NOTCH2: variants seen among roughly 807,000 people sequenced by gnomAD.
NOTCH2 encodes notch receptor 2, also known as neurogenic locus notch homolog protein 2.
In NOTCH2, 29 loss-of-function variants were observed where a neutral mutation model predicts 235.8. That is an observed-to-expected ratio of 0.12 (90% CI 0.09 to 0.17). The LOEUF (loss-of-function observed/expected upper bound fraction) is 0.17. NOTCH2 is among the 10% of genes least tolerant of loss of function. NOTCH2 has a pLI of 1.00. For missense variants in NOTCH2, 2,285 were observed against 3,150.2 expected (o/e 0.73, Z 6.57); for synonymous variants, 1,086 against 1,141.5 (o/e 0.95, Z 0.98).
intron 1 of NOTCH2, among the ~76,000 whole-genome samples, chr1:120,063,156 C>A (rs1230671540): frequency 6.6e-6 from 1 of 151,652 alleles, no homozygotes; most frequent in South Asian, 2.1e-4. Context: ...ATCCTGTGCC[C>A]CTTCTTGCAG....
chr1:119,978,870 T>A (rs1202019569), intron 5 of NOTCH2, among the ~76,000 whole-genome samples: 1 of 152,178 alleles, frequency 6.6e-6, no homozygotes, highest in Non-Finnish European at 1.5e-5. Flanking sequence ...AGGCAGTTAC[T>A]CTGCTCAGAA....
intron 3 of NOTCH2, among the ~76,000 whole-genome samples, chr1:120,002,206 C>T (rs1265959495): frequency 2.4e-4 from 36 of 152,064 alleles, no homozygotes; most frequent in Middle Eastern, 3.4e-3. Context: ...GAAGACACAA[C>T]AACAATTCCA....
chr1:120,064,650 T>C (rs1231956853), intron 1 of NOTCH2, among the ~76,000 whole-genome samples: 1 of 148,936 alleles, frequency 6.7e-6, no homozygotes, highest in Non-Finnish European at 1.5e-5. Flanking sequence ...CAAAATCATG[T>C]GGCAGAGACA....
At chr1:119,936,970 G>A (rs1240593097) in intron 21 of NOTCH2, among the ~76,000 whole-genome samples, 2 of 152,062 alleles carry the variant, frequency 1.3e-5, no homozygotes, top group Admixed American at 6.6e-5. Flanking sequence ...CTGCTATTCA[G>A]GGAAGTGTGG....
At chr1:119,948,950 C>T (rs1650359986) in intron 16 of NOTCH2, 57 bp downstream of exon 16, 6 of 1,611,568 alleles carry the variant, frequency 3.7e-6, no homozygotes, top group African/African-American at 1.3e-5. Flanking sequence ...GATAACCTGA[C>T]CACTTTGTTT....
intron 5 of NOTCH2, among the ~76,000 whole-genome samples, chr1:119,972,015 A>C (rs1288884594): frequency 6.6e-6 from 1 of 152,014 alleles, no homozygotes; most frequent in African/African-American, 2.4e-5. Flanking sequence ...ATGAATAAGA[A>C]AGTGAGAACA....
intron 12 of NOTCH2, 124 bp downstream of exon 12, chr1:119,959,268 C>G: frequency 2.8e-6 from 2 of 703,806 alleles, no homozygotes; most frequent in East Asian, 5.3e-5. Context: ...AGCAGAGAAA[C>G]AGACTACTAA....
At chr1:119,966,027 AAC>A (rs1435961000) in intron 9 of NOTCH2, among the ~76,000 whole-genome samples, 7 of 152,224 alleles carry the variant, frequency 4.6e-5, no homozygotes, top group South Asian at 2.1e-4. Context: ...GTCTAAAAAT[AAC>A]AGTCTCACAG....
intron 3 of NOTCH2, among the ~76,000 whole-genome samples, chr1:120,001,584 A>G (rs1182905345): frequency 2.6e-5 from 4 of 152,012 alleles, no homozygotes; most frequent in Non-Finnish European, 5.9e-5. Context: ...ATATGGCACT[A>G]TTCCTCAGGG....
At chr1:119,969,479 C>T (rs781845059) in intron 6 of NOTCH2, 32 bp downstream of exon 6, 7 of 1,593,272 alleles carry the variant, frequency 4.4e-6, no homozygotes, top group African/African-American at 1.3e-5. Flanking sequence ...CTGCCCCTTC[C>T]CTGTTTCTAG....
At chr1:119,941,461 G>T in intron 18 of NOTCH2, 65 bp downstream of exon 18, 1 of 1,187,734 alleles carries the variant, frequency 8.4e-7, no homozygotes, top group Non-Finnish European at 1.3e-6. Flanking sequence ...ATTGTGCTCT[G>T]AAATTTCCTT....
intron 3 of NOTCH2, among the ~76,000 whole-genome samples, chr1:120,004,054 G>A (rs1431025745): frequency 6.7e-6 from 1 of 150,342 alleles, no homozygotes; most frequent in Non-Finnish European, 1.5e-5. Context: ...TTGTAAGCAG[G>A]TGAGATTGTT....
At chr1:120,067,267 T>C (rs1485107949) in intron 1 of NOTCH2, among the ~76,000 whole-genome samples, 1 of 144,718 alleles carries the variant, frequency 6.9e-6, no homozygotes, top group Non-Finnish European at 1.5e-5. Context: ...TCTACTGCAT[T>C]AGTTTAGCAT....
intron 22 of NOTCH2, among the ~76,000 whole-genome samples, chr1:119,931,102 T>C (rs7414396): frequency 0.11 from 13,867 of 126,210 alleles, 1,511 homozygotes; most frequent in African/African-American, 0.28. Context: ...GACTCTGTCT[T>C]AAAAAAAAAA....
Position 119,918,545 on chromosome 1 carries a change from A to T in NOTCH2, c.5790T>A (p.Ile1930=), listed in dbSNP as rs762424463. The T allele has an allele frequency of 1.9e-6, 3 of 1,614,206 alleles. No individual in the cohort carries two copies. The South Asian group carries it at 3.3e-5, about 18-fold the overall frequency. ...CATCTAGATCAGTTACTCGGTTGCG[A>T]ATCAGAATCTAGAAGAGGAGAAAGT... The part of the protein sequence containing the change: ...ADAQGVFQIL[I]RNRVTDLDAR... The change falls in exon 32 of 34, where the codon ATT becomes ATA. Residue 1930 remains isoleucine, a synonymous_variant. Transcript: ENST00000256646.
chr1:119,940,472 G>T, intron 19 of NOTCH2, 83 bp downstream of exon 19: 1 of 1,265,068 alleles, frequency 7.9e-7, no homozygotes, highest in Non-Finnish European at 1.1e-6. Context: ...CTTTTAGAAG[G>T]AACTTATTCA....
chr1:120,031,162 C>A (rs1293996746), intron 1 of NOTCH2, among the ~76,000 whole-genome samples: 1 of 148,020 alleles, frequency 6.8e-6, no homozygotes, highest in Non-Finnish European at 1.5e-5. Context: ...CTAGGCCTGG[C>A]CATCCCTGGC....
Position 119,911,669 on chromosome 1 carries a change from AC to A in NOTCH2, c.*3636del. On this transcript the variant is annotated 3_prime_UTR_variant, in exon 34 of 34. Coordinates refer to ENST00000256646, the MANE Select transcript of NOTCH2 (RefSeq NM_024408.4). ...GTATATTAAGTTCTACACAAATTTC[AC>A]TTAAGGAATGTTACAAACCAATCAT... 1 of 232,992 alleles carries A rather than the reference AC, an allele frequency of 4.3e-6. No homozygotes were observed. Among genetic ancestry groups the A allele is most frequent in the Admixed American group, 5.6e-5 (1 of 17,800 alleles). 14.4% of individuals were successfully genotyped at this position (232,992 alleles called of 1,614,324 possible). A position where few individuals can be genotyped will look rare whatever the true frequency, so the allele number is the denominator to read the frequency against.
At chr1:120,039,409 CTTTT>C (rs1170358326) in intron 1 of NOTCH2, among the ~76,000 whole-genome samples, 1 of 127,058 alleles carries the variant, frequency 7.9e-6, no homozygotes, top group African/African-American at 3.1e-5. Flanking sequence ...CTTTTTAAAG[CTTTT>C]TTTTTTTTTT....
Sources: allele counts gnomAD v4.1 joint callset (sites outside exome capture counted in the v4.1 genomes callset), GRCh38; gene constraint gnomAD v4.1.1; transcripts MANE v1.5; gene names NCBI Gene and HGNC (gene_info 2026-07-23, HGNC 2026-07-21).